Variants in ABCA1 observed in about 807,000 individuals in gnomAD.
The protein encoded by ABCA1 is phospholipid-transporting ATPase ABCA1.
Under a neutral mutation model 262.5 loss-of-function variants are expected in ABCA1, and 133 were observed. The ratio of observed to expected loss-of-function variants is 0.51; its 90% CI spans 0.44 to 0.59. ABCA1 has a LOEUF of 0.59. Among genes scored for constraint, ABCA1 ranks in the 20% least tolerant of loss-of-function variants. The probability of loss-of-function intolerance (pLI) is 0.00; values close to 1 mark genes in which losing one functional copy is unlikely to be tolerated. For missense variants in ABCA1, 2,452 were observed against 2,777.5 expected, an observed-to-expected ratio of 0.88 and a Z score of 2.63; for synonymous variants, 1,022 against 1,043.5, an observed-to-expected ratio of 0.98 and a Z score of 0.40.
Position 104,785,566 on chromosome 9 carries a change from A to G in ABCA1, c.6475T>C (p.Phe2159Leu). ...ACACTTCCAGGAAATGCAAGTCCAA[A>G]GAAATCCTGGACAGGCTTCAGGTCC... ...NPDLKPVQDF[F>L]GLAFPGSVLK... The change falls in exon 49 of 50, where the codon TTT becomes CTT. Residue 2159 changes from phenylalanine (F) to leucine (L), a missense_variant. By Grantham distance (22) the Phe-to-Leu change is conservative (BLOSUM62 0). Coordinates refer to ENST00000374736, the MANE Select transcript of ABCA1 (RefSeq NM_005502.4). The G allele has an allele frequency of 6.2e-7, 1 of 1,614,208 alleles. No homozygotes were observed.
chr9:104,798,282 C>T (rs1830065514), intron 37 of ABCA1, 139 bp downstream of exon 37: 14 of 1,009,858 alleles, frequency 1.4e-5, no homozygotes, highest in Middle Eastern at 2.6e-4. Flanking sequence ...TGATCACCTG[C>T]CTCTGGCTAT....
chr9:104,821,599 A>G (rs1832353822), intron 19 of ABCA1, 93 bp from the exon 20 acceptor site: 10 of 1,417,276 alleles, frequency 7.1e-6, no homozygotes, highest in Non-Finnish European at 9.8e-6. Context: ...CAGAACACCA[A>G]CCCTCCCACC....
At position 104,857,467 on chromosome 9, in the gene ABCA1, C is replaced by T. The variant is rs534852383; in HGVS notation, c.720+1055G>A. Among the ~76,000 whole-genome samples, 6 of 152,242 alleles carry T rather than the reference C, an allele frequency of 3.9e-5. No homozygotes were observed. In the South Asian group the frequency reaches 6.2e-4, roughly 16 times the overall value. On this transcript the variant is annotated intron_variant, in intron 7 of 49. Transcript: ENST00000374736. ...GGCTGGTCTCAAACTGCTGACCTCA[C>T]GTGATCTGCCCGCCGTGGCATCCGA...
Position 104,806,439 on chromosome 9 carries a change from G to C in ABCA1, c.4275-9C>G, listed in dbSNP as rs775693747. ...CCTGGCAGGGCGTGTCTCTGCAAAG[G>C]GAAGACAGCAAGAGTAGGATTACCA... On this transcript the variant is annotated splice_polypyrimidine_tract_variant and intron_variant, in intron 30 of 49. Coordinates refer to ENST00000374736, the MANE Select transcript of ABCA1 (RefSeq NM_005502.4). 1 of 1,613,896 alleles carries C rather than the reference G, an allele frequency of 6.2e-7. No individual in the cohort carries two copies. The highest frequency in any genetic ancestry group is 1.3e-5 in the African/African-American group (1 of 74,898).
chr9:104,877,030 G>C (rs1240015521), intron 5 of ABCA1, among the ~76,000 whole-genome samples: 1 of 152,158 alleles, frequency 6.6e-6, no homozygotes, highest in African/African-American at 2.4e-5. Flanking sequence ...CCCCAGAGAG[G>C]ACCTTGAAAG....
At chr9:104,860,291 T>C (rs1836250932) in intron 6 of ABCA1, among the ~76,000 whole-genome samples, 1 of 152,190 alleles carries the variant, frequency 6.6e-6, no homozygotes, top group South Asian at 2.1e-4. Context: ...ACTGATTAGA[T>C]GTGACAGATA....
intron 8 of ABCA1, among the ~76,000 whole-genome samples, chr9:104,842,556 T>C (rs1834472578): frequency 6.6e-6 from 1 of 152,178 alleles, no homozygotes; most frequent in South Asian, 2.1e-4. Flanking sequence ...ACTCTTACTC[T>C]TTCTCCTACA....
chr9:104,789,036 A>G lies in ABCA1; in HGVS notation c.5928-469T>C, dbSNP rs569393179. Among the ~76,000 whole-genome samples the G allele has an allele frequency of 2.6e-4, 40 of 152,342 alleles. 1 individual carries two copies. In the South Asian group the frequency reaches 5.6e-3, roughly 21 times the overall value. ...GGTGGTGGGGTGGCTTTGGGGTTCT[A>G]TGAAGCCAGTCAAGTGAAGAATCAC... On this transcript the variant is annotated intron_variant, in intron 44 of 49. Coordinates refer to ENST00000374736, the MANE Select transcript of ABCA1 (RefSeq NM_005502.4).
chr9:104,912,682 C>T (rs1472142197), intron 1 of ABCA1, among the ~76,000 whole-genome samples: 1 of 152,190 alleles, frequency 6.6e-6, no homozygotes, highest in Non-Finnish European at 1.5e-5. Context: ...ACTAAGCAAA[C>T]ACCAAGCAAC....
At chr9:104,870,802 A>C (rs1312080264) in intron 5 of ABCA1, among the ~76,000 whole-genome samples, 3 of 151,774 alleles carry the variant, frequency 2.0e-5, no homozygotes, top group Admixed American at 6.6e-5. Flanking sequence ...GTTTTATAGG[A>C]TTTGGGAAGG....
intron 1 of ABCA1, among the ~76,000 whole-genome samples, chr9:104,917,013 T>C (rs954712549): frequency 6.6e-6 from 1 of 152,182 alleles, no homozygotes; most frequent in Non-Finnish European, 1.5e-5. Context: ...TTCTCCCACA[T>C]TGCTGGTAGG....
In ABCA1 at chr9:104,821,418, G is replaced by A; in HGVS notation, c.2917C>T (p.Gln973Ter). ...TGCTGGGGACAGACCCCCAGGTTCT[G>A]CCGGATGGTGCTCATCTCAGAGCGA... ...DIRSEMSTIR[Q>*]NLGVCPQHNV... Residue 973 changes from glutamine (Q) to a stop codon, truncating the protein, a stop_gained, in exon 20 of 50, where the codon CAG (glutamine) becomes TAG (stop). Transcript: ENST00000374736. LOFTEE classifies it high-confidence loss of function. 1 of 1,614,150 alleles carries A rather than the reference G, an allele frequency of 6.2e-7. No homozygotes were observed. Among genetic ancestry groups the A allele is most frequent in the East Asian group, 2.2e-5 (1 of 44,886 alleles).
intron 36 of ABCA1, chr9:104,799,415 CACACA>C (rs1830153254): frequency 1.0e-6 from 1 of 970,768 alleles, no homozygotes; most frequent in African/African-American, 2.0e-5. Flanking sequence ...CACACACACA[CACACA>C]CACACACACA....
At chr9:104,850,757 C>G (rs2119070754) in intron 7 of ABCA1, among the ~76,000 whole-genome samples, 1 of 152,310 alleles carries the variant, frequency 6.6e-6, no homozygotes, top group Admixed American at 6.5e-5. Flanking sequence ...TTCCAAAGAG[C>G]TTCAGTAAAA....
At chr9:104,885,981 T>C (rs1588506252) in intron 3 of ABCA1, among the ~76,000 whole-genome samples, 1 of 152,192 alleles carries the variant, frequency 6.6e-6, no homozygotes, top group East Asian at 1.9e-4. Context: ...ATTGACCCCA[T>C]ACCCTCAGTT....
chr9:104,802,186 C>G lies in ABCA1; in HGVS notation c.4593-27G>C, dbSNP rs534178751. 1.6e-4 allele frequency: 259 copies of G among 1,593,554 alleles called. 2 individuals carry two copies. In the South Asian group the frequency reaches 2.2e-3, roughly 14 times the overall value. On this transcript the variant is annotated intron_variant, in intron 33 of 49. Coordinates refer to ENST00000374736, the MANE Select transcript of ABCA1 (RefSeq NM_005502.4). The stretch of plus-strand genomic sequence containing the variant: ...TAAAAGAACAGCCTGACATTAAAAC[C>G]CAGACAGTGGGGTGCACAGTATCAT...
Position 104,855,119 on chromosome 9 carries a change from A to G in ABCA1, c.720+3403T>C, listed in dbSNP as rs1039143673. 1.4e-5 allele frequency: 14 copies of G among 980,366 alleles called. No individual in the cohort carries two copies. In the African/African-American group the frequency reaches 2.3e-4, roughly 16 times the overall value. 60.7% of individuals were successfully genotyped at this position (980,366 alleles called of 1,614,324 possible). On this transcript the variant is annotated intron_variant, in intron 7 of 49. Transcript: ENST00000374736. ...CTTGACAATATCTGAGCAAGAATGC[A>G]GTTTTTCACTGAAATACTCACCAGG... is the stretch of plus-strand genomic sequence containing the variant.
Position 104,806,320 on chromosome 9 carries a change from G to T in ABCA1, c.4385C>A (p.Ala1462Glu). 1.2e-6 allele frequency: 2 copies of T among 1,614,168 alleles called. No individual in the cohort carries two copies. Among genetic ancestry groups the T allele is most frequent in the Non-Finnish European group, 1.7e-6 (2 of 1,180,036 alleles). ...GNWTMQNPSP[A>E]CQCSSDKIKK... The stretch of plus-strand genomic sequence containing the variant: ...GATTTTGTCGCTGCTACACTGGCAT[G>T]CAGGTGAAGGGTTCTGCATTGTCCA... Residue 1462 changes from alanine (A) to glutamate (E), a missense_variant, in exon 31 of 50, where the codon GCA (alanine) becomes GAA (glutamate). Coordinates refer to ENST00000374736, the MANE Select transcript of ABCA1 (RefSeq NM_005502.4).
intron 2 of ABCA1, among the ~76,000 whole-genome samples, chr9:104,896,748 T>TTTTTTTC (rs1840256620): frequency 8.2e-6 from 1 of 121,666 alleles, no homozygotes; most frequent in African/African-American, 3.5e-5. Context: ...TTTTTTTTTT[T>TTTTTTTC]CAGACAGAGT....
Sources: gnomAD v4.1 joint callset for allele counts (sites outside exome capture counted in the v4.1 genomes callset) on GRCh38, gnomAD v4.1.1 for gene constraint, MANE v1.5 for transcripts, NCBI Gene and HGNC (gene_info 2026-07-23, HGNC 2026-07-21) for gene names.